The following CCDC171 variants were observed in gnomAD, a reference collection of about 807,000 sequenced individuals.
CCDC171 encodes the protein coiled-coil domain containing 171, also known as coiled-coil domain-containing protein 171.
In CCDC171, 177 loss-of-function variants were observed where a neutral mutation model predicts 168.2. The ratio of observed to expected loss-of-function variants is 1.05; its 90% CI spans 0.93 to 1.19. The LOEUF (loss-of-function observed/expected upper bound fraction) is 1.19, where lower values mean the gene tolerates loss of function less well. Ranked by LOEUF, CCDC171 falls within the 50% of genes most tolerant of loss-of-function variation. CCDC171 has a pLI of 0.00. For synonymous variants in CCDC171, 687 were observed against 540.8 expected (o/e 1.27, Z -3.75); for missense variants, 1,991 against 1,539.0 (o/e 1.29, Z -4.91).
the CCDC171 span, among the ~76,000 whole-genome samples, chr9:16,068,624 TGCCTTCCTCA>T: frequency 1.3e-5 from 2 of 152,224 alleles, no homozygotes; most frequent in South Asian, 4.1e-4. Context: ...TTCATGATGG[TGCCTTCCTCA>T]GCATGGGGGT....
intron 24 of CCDC171, among the ~76,000 whole-genome samples, chr9:15,916,110 ATATT>A (rs1410885045): frequency 1.3e-5 from 2 of 151,950 alleles, no homozygotes; most frequent in Non-Finnish European, 2.9e-5. Flanking sequence ...AGAGAAATAA[ATATT>A]TAAATATTTT....
intron 18 of CCDC171, among the ~76,000 whole-genome samples, chr9:15,757,217 A>G (rs368533151): frequency 6.6e-6 from 1 of 152,360 alleles, no homozygotes; most frequent in East Asian, 1.9e-4. Context: ...CTTCTTAGAG[A>G]CTTACTGAAT....
At chr9:16,019,096 C>A (rs1374562099) in intron 3 of CCDC171, among the ~76,000 whole-genome samples, 2 of 152,282 alleles carry the variant, frequency 1.3e-5, no homozygotes, top group African/African-American at 4.8e-5. Flanking sequence ...CTTTCAAAGT[C>A]CCTCTTTAAA....
rs972002890 is a variant in CCDC171 at position 15,836,594 on chromosome 9, G to A, written c.3268-10108G>A. On this transcript the variant is annotated intron_variant, in intron 21 of 25. Transcript: ENST00000380701. ...TCTCGATCTCCTGACCTCGTGATCC[G>A]CCTGCCTCGGCCTCCCAAAGTCCTG... 2.0e-5 allele frequency among the ~76,000 whole-genome samples: 3 copies of A among 152,062 alleles called. No homozygotes were observed. In the South Asian group the frequency reaches 6.2e-4, roughly 32 times the overall value.
chr9:15,639,881 A>G (rs759329666), intron 7 of CCDC171, among the ~76,000 whole-genome samples: 1 of 152,192 alleles, frequency 6.6e-6, no homozygotes, highest in Non-Finnish European at 1.5e-5. Flanking sequence ...AGTTCAGAGA[A>G]GTAAGTAGAA....
At chr9:15,629,006 A>G (rs2045437116) in intron 7 of CCDC171, among the ~76,000 whole-genome samples, 1 of 152,200 alleles carries the variant, frequency 6.6e-6, no homozygotes, top group African/African-American at 2.4e-5. Context: ...AACAGAAAGG[A>G]CATCCACACC....
chr9:15,586,701 C>T (rs1210297934), intron 4 of CCDC171, among the ~76,000 whole-genome samples: 1 of 152,070 alleles, frequency 6.6e-6, no homozygotes, highest in Non-Finnish European at 1.5e-5. Context: ...AGGTTTAATC[C>T]CTGGAGATGG....
intron 25 of CCDC171, among the ~76,000 whole-genome samples, chr9:15,955,192 C>A (rs10810506): frequency 0.31 from 47,346 of 152,036 alleles, 9,187 homozygotes; most frequent in East Asian, 0.61. Context: ...CTGCACCTTT[C>A]CCTGGGCTTG....
At chr9:15,876,436 C>A (rs1004211408) in intron 24 of CCDC171, among the ~76,000 whole-genome samples, 2 of 152,054 alleles carry the variant, frequency 1.3e-5, no homozygotes, top group African/African-American at 4.8e-5. Context: ...ATGGCACTAT[C>A]TCCATTTTAC....
At chr9:15,627,982 G>C (rs1010848331) in intron 7 of CCDC171, among the ~76,000 whole-genome samples, 1 of 152,110 alleles carries the variant, frequency 6.6e-6, no homozygotes, top group African/African-American at 2.4e-5. Flanking sequence ...TAAGAATCAT[G>C]GGTTTAGGGA....
chr9:15,748,655 G>C (rs928034347), intron 18 of CCDC171, among the ~76,000 whole-genome samples: 4 of 152,166 alleles, frequency 2.6e-5, no homozygotes, highest in African/African-American at 9.7e-5. Flanking sequence ...AGAAGAGAGT[G>C]GGGGGCCAAT....
intron 3 of CCDC171, among the ~76,000 whole-genome samples, chr9:15,986,624 C>T (rs1228478709): frequency 6.6e-6 from 1 of 152,214 alleles, no homozygotes; most frequent in Non-Finnish European, 1.5e-5. Context: ...TGTCCTTTCA[C>T]TTGTTTGCCT....
intron 21 of CCDC171, among the ~76,000 whole-genome samples, chr9:15,800,845 C>T (rs1342837335): frequency 6.6e-6 from 1 of 152,034 alleles, no homozygotes; most frequent in Admixed American, 6.6e-5. Flanking sequence ...GTTCAATTTT[C>T]CCTACACTAT....
rs2059726119 is a variant in CCDC171, at chr9:15,820,499, A to T, written c.3268-26203A>T. ...AAATAGATGCAATAAAAAATGATAA[A>T]GGGGATATCACCACCGATCCCACAG... On this transcript the variant is annotated intron_variant, in intron 21 of 25. Transcript: ENST00000380701. Among the ~76,000 whole-genome samples, 2 of 117,000 alleles carry T rather than the reference A, an allele frequency of 1.7e-5. 1 individual carries two copies. The highest frequency in any genetic ancestry group is 1.6e-4 in the Admixed American group (2 of 12,400). 76.8% of individuals were successfully genotyped at this position (117,000 alleles called of 152,430 possible).
intron 16 of CCDC171, among the ~76,000 whole-genome samples, chr9:15,731,275 C>A (rs1050249835): frequency 6.6e-6 from 1 of 152,022 alleles, no homozygotes; most frequent in South Asian, 2.1e-4. Context: ...ATGTTTTGAT[C>A]AACATAAACA....
intron 21 of CCDC171, among the ~76,000 whole-genome samples, chr9:15,790,188 A>G (rs2058182403): frequency 6.6e-6 from 1 of 152,212 alleles, no homozygotes; most frequent in Admixed American, 6.5e-5. Flanking sequence ...GTCTTCCACA[A>G]TGGTTGAACT....
chr9:15,586,628 T>G lies in CCDC171; in HGVS notation c.353-4738T>G, dbSNP rs1369638450. 2.0e-5 allele frequency among the ~76,000 whole-genome samples: 3 copies of G among 152,186 alleles called. No homozygotes were observed. The East Asian group carries it at 5.8e-4, about 29-fold the overall frequency. ...AGCTGTTTGAGAGGCAGATAGGTCC[T>G]TAGATTTCCTTCCAAGAGCATGCTA... On this transcript the variant is annotated intron_variant, in intron 4 of 25. Transcript: ENST00000380701.
At chr9:16,018,424 AT>A (rs112667176) in intron 3 of CCDC171, among the ~76,000 whole-genome samples, 36 of 152,242 alleles carry the variant, frequency 2.4e-4, no homozygotes, top group Middle Eastern at 3.4e-3. Flanking sequence ...AAAAAGAAAT[AT>A]TTTTTTGTTG....
chr9:15,645,484 A>G (rs953514131), intron 7 of CCDC171, among the ~76,000 whole-genome samples: 2 of 152,188 alleles, frequency 1.3e-5, no homozygotes, highest in African/African-American at 4.8e-5. Context: ...ATTGTGAAGA[A>G]GCTAAAAATG....
Sources: allele counts gnomAD v4.1 joint callset (sites outside exome capture counted in the v4.1 genomes callset), GRCh38; gene constraint gnomAD v4.1.1; transcripts MANE v1.5; gene names NCBI Gene and HGNC (gene_info 2026-07-23, HGNC 2026-07-21).